ZBP1: variants seen among roughly 807,000 people sequenced by gnomAD.
ZBP1 encodes the protein Z-DNA-binding protein 1.
A neutral mutation model predicts 41.1 loss-of-function variants in ZBP1; 42 were observed. The observed-to-expected ratio is 1.02, with a 90% CI of 0.80 to 1.32. ZBP1 has a LOEUF of 1.32. Ranked by LOEUF, ZBP1 falls within the 40% of genes most tolerant of loss-of-function variation. The pLI is 0.00. For synonymous variants in ZBP1, 214 were observed against 205.2 expected (o/e 1.04, Z -0.37); for missense variants, 562 against 549.7 (o/e 1.02, Z -0.22).
intron 1 of ZBP1, 171 bp downstream of exon 1, chr20:57,620,091 C>G (rs1414003104): frequency 1.4e-6 from 1 of 740,714 alleles, no homozygotes; most frequent in Non-Finnish European, 2.3e-6. Context: ...CCTACCTCGC[C>G]TCCCAAAGTG....
At chr20:57,612,217 C>T (rs1245636929) in intron 5 of ZBP1, among the ~76,000 whole-genome samples, 1 of 152,166 alleles carries the variant, frequency 6.6e-6, no homozygotes, top group Non-Finnish European at 1.5e-5. Context: ...AGCCTTCTGA[C>T]CTCATGGGGA....
At chr20:57,606,756 G>A (rs1388781155) in intron 7 of ZBP1, among the ~76,000 whole-genome samples, 1 of 152,200 alleles carries the variant, frequency 6.6e-6, no homozygotes, top group Non-Finnish European at 1.5e-5. Context: ...AGCTAGATGA[G>A]AGCACCTGTA....
rs758253059 is a variant in ZBP1, at chr20:57,604,704, G to A, written c.1159C>T (p.Pro387Ser). ...TTGGGGGTGAGCTTCGAGTGGCTGGGAGTGATGGGCTGACCAATGTCTCGA... is the reference window on the plus strand; with the variant it reads ...TTGGGGGTGAGCTTCGAGTGGCTGGAAGTGATGGGCTGACCAATGTCTCGA... ...FPRDIGQPIT[P>S]SHSKLTPKLE... is the part of the protein sequence containing the mutation. Residue 387 changes from proline (P) to serine (S), a missense_variant, in exon 8 of 8, where the codon CCC becomes TCC. By Grantham distance (74) the Pro-to-Ser change is moderately conservative. Transcript: ENST00000371173. The A allele has an allele frequency of 1.9e-6, 3 of 1,614,234 alleles. No homozygotes were observed. The highest frequency in any genetic ancestry group is 2.2e-5 in the East Asian group (1 of 44,886).
In ZBP1 at chr20:57,612,886, C is replaced by T. The variant is rs2070710969; in HGVS notation, c.670+277G>A. ...AGGTCAGGCGCAACACAGAGATACCCCATCTTAATTTTAAAATTTTATTAG... is the reference window on the plus strand; with the variant it reads ...AGGTCAGGCGCAACACAGAGATACCTCATCTTAATTTTAAAATTTTATTAG... On this transcript the variant is annotated intron_variant, in intron 5 of 7. Coordinates refer to ENST00000371173, the MANE Select transcript of ZBP1 (RefSeq NM_030776.3). The T allele has an allele frequency of 2.3e-6, 3 of 1,323,108 alleles. No homozygotes were observed. In the Admixed American group the frequency reaches 1.0e-4, roughly 46 times the overall value. The allele number at this position is 1,323,108 out of a possible 1,614,324, so 82.0% of individuals were successfully genotyped here.
In ZBP1 at chr20:57,610,037, G is replaced by C. The variant is rs2070610052; in HGVS notation, c.1093+112C>G. On this transcript the variant is annotated intron_variant, in intron 7 of 7. Transcript: ENST00000371173. This position sits in a 1 kb window ranked among gnomAD's most constrained non-coding sequence, Gnocchi z 5.5. ...TCGCTGTGGGTGGGCACAGCCTCCAGACTCCGGGAAACCAGAGATTAGCGA... is the reference window on the plus strand; with the variant it reads ...TCGCTGTGGGTGGGCACAGCCTCCACACTCCGGGAAACCAGAGATTAGCGA... The C allele has an allele frequency of 3.2e-6, 4 of 1,264,322 alleles. No individual in the cohort carries two copies. The highest frequency in any genetic ancestry group is 1.5e-5 in the African/African-American group (1 of 67,368). 78.3% of individuals were successfully genotyped at this position (1,264,322 alleles called of 1,614,324 possible). A position where few individuals can be genotyped will look rare whatever the true frequency, so the allele number is the denominator to read the frequency against.
intron 3 of ZBP1, 43 bp from the exon 4 acceptor site, chr20:57,615,103 G>A: frequency 6.2e-7 from 1 of 1,605,226 alleles, no homozygotes; most frequent in Non-Finnish European, 8.5e-7. Context: ...TAGTCCTAGG[G>A]TTTGCATCTG....
chr20:57,612,783 C>A, intron 5 of ZBP1: 1 of 545,606 alleles, frequency 1.8e-6, no homozygotes, highest in Non-Finnish European at 2.6e-6. Flanking sequence ...ATAACCTCCC[C>A]TGTAGCATTC....
intron 4 of ZBP1, among the ~76,000 whole-genome samples, chr20:57,614,467 G>T (rs535139746): frequency 1.3e-5 from 2 of 152,086 alleles, no homozygotes; most frequent in Admixed American, 1.3e-4. Flanking sequence ...TAGGTCTCAC[G>T]GGGAAGCTGA....
intron 4 of ZBP1, 68 bp downstream of exon 4, chr20:57,614,819 C>T: frequency 6.3e-7 from 1 of 1,586,700 alleles, no homozygotes; most frequent in Non-Finnish European, 8.6e-7. Flanking sequence ...GCAGAGCACC[C>T]AGCAAAGACC....
rs1013961951 is a variant in ZBP1 at position 57,610,041 on chromosome 20, C to T, written c.1093+108G>A. ...TGTGGGTGGGCACAGCCTCCAGACTCCGGGAAACCAGAGATTAGCGAATGA... is the reference window on the plus strand; with the variant it reads ...TGTGGGTGGGCACAGCCTCCAGACTTCGGGAAACCAGAGATTAGCGAATGA... On this transcript the variant is annotated intron_variant, in intron 7 of 7. Coordinates refer to ENST00000371173, the MANE Select transcript of ZBP1 (RefSeq NM_030776.3). The surrounding 1 kb of genome is among the most constrained non-coding windows in gnomAD (Gnocchi z 5.5). 7.7e-7 allele frequency: 1 copy of T among 1,305,704 alleles called. No individual in the cohort carries two copies. The highest frequency in any genetic ancestry group is 1.1e-6 in the Non-Finnish European group (1 of 928,382). 80.9% of individuals were successfully genotyped at this position (1,305,704 alleles called of 1,614,324 possible).
intron 3 of ZBP1, 25 bp downstream of exon 3, chr20:57,615,487 A>C (rs1600741106): frequency 1.2e-6 from 2 of 1,611,408 alleles, no homozygotes; most frequent in Non-Finnish European, 1.7e-6. Flanking sequence ...TGTCCCGGGA[A>C]CTGAAGGGAC....
In ZBP1 at chr20:57,604,108, A is replaced by C. The variant is rs753045656; in HGVS notation, c.*465T>G. The C allele has an allele frequency of 3.6e-6, 1 of 279,494 alleles. No individual in the cohort carries two copies. 17.3% of individuals were successfully genotyped at this position (279,494 alleles called of 1,614,324 possible). On this transcript the variant is annotated 3_prime_UTR_variant, in exon 8 of 8. Coordinates refer to ENST00000371173, the MANE Select transcript of ZBP1 (RefSeq NM_030776.3). Reference sequence around the variant, plus strand: ...CAGGACGGTCTGGATTTCCTGACCTATTGATCCGCCCGCCTCGGCCTCCCA... The same window carrying C: ...CAGGACGGTCTGGATTTCCTGACCTCTTGATCCGCCCGCCTCGGCCTCCCA...
At position 57,615,298 on chromosome 20, in the gene ZBP1, A is replaced by G. The variant is rs942511824; in HGVS notation, c.328+214T>C. 5.0e-5 allele frequency: 34 copies of G among 679,152 alleles called. No individual in the cohort carries two copies. The African/African-American group carries it at 6.0e-4, about 12-fold the overall frequency. The allele number at this position is 679,152 out of a possible 1,614,324, so 42.1% of individuals were successfully genotyped here. ...ATGTGGCGGGTGCATGGTGAGGGTC[A>G]GCTATTGTCTGACTGGAGAAATCAC... is the stretch of plus-strand genomic sequence containing the variant. On this transcript the variant is annotated intron_variant, in intron 3 of 7. Transcript: ENST00000371173.
At chr20:57,620,193 G>T in intron 1 of ZBP1, 69 bp downstream of exon 1, 1 of 1,521,688 alleles carries the variant, frequency 6.6e-7, no homozygotes, top group Non-Finnish European at 8.9e-7. Flanking sequence ...AAGCGAAACA[G>T]GAGGAAAGAG....
At position 57,610,437 on chromosome 20, in the gene ZBP1, GC is replaced by G. The variant is rs1416363364; in HGVS notation, c.875-71del. Reference sequence around the variant, plus strand: ...CAGTGGCCGGGAACCCTGACCCCCAGCCTGGTTCACCCTCCTCCCCAGATCT... The same window carrying G: ...CAGTGGCCGGGAACCCTGACCCCCAGCTGGTTCACCCTCCTCCCCAGATCT... On this transcript the variant is annotated intron_variant, in intron 6 of 7. Coordinates refer to ENST00000371173, the MANE Select transcript of ZBP1 (RefSeq NM_030776.3). The surrounding 1 kb of genome is among the most constrained non-coding windows in gnomAD (Gnocchi z 5.5). 1.3e-6 allele frequency: 2 copies of G among 1,550,946 alleles called. No homozygotes were observed. The highest frequency in any genetic ancestry group is 1.8e-6 in the Non-Finnish European group (2 of 1,127,824).
Position 57,615,574 on chromosome 20 carries a change from C to G in ZBP1, c.266G>C (p.Arg89Thr). The G allele has an allele frequency of 6.2e-7, 1 of 1,612,742 alleles. No homozygotes were observed. The highest frequency in any genetic ancestry group is 8.5e-7 in the Non-Finnish European group (1 of 1,179,522). Residue 89 changes from arginine to threonine, a missense_variant, in exon 3 of 8, where the codon AGG becomes ACG. Physicochemically the swap from Arg to Thr is moderately conservative, Grantham distance 71. Coordinates refer to ENST00000371173, the MANE Select transcript of ZBP1 (RefSeq NM_030776.3). ...AATTGTAGCTGCATGTTGCTGGGGCCTCTCGGCTGCAGAAAGAAAGATGGG... is the reference window on the plus strand; with the variant it reads ...AATTGTAGCTGCATGTTGCTGGGGCGTCTCGGCTGCAGAAAGAAAGATGGG... ...AELALSSPAE[R>T]PQQHAATIPE...
In ZBP1 at chr20:57,610,871, G is replaced by T. The variant is rs914075990; in HGVS notation, c.875-504C>A. Among the ~76,000 whole-genome samples the T allele has an allele frequency of 2.0e-5, 3 of 150,468 alleles. No individual in the cohort carries two copies. Among genetic ancestry groups the T allele is most frequent in the African/African-American group, 7.4e-5 (3 of 40,698 alleles). On this transcript the variant is annotated intron_variant, in intron 6 of 7. Coordinates refer to ENST00000371173, the MANE Select transcript of ZBP1 (RefSeq NM_030776.3). The surrounding 1 kb of genome is among the most constrained non-coding windows in gnomAD (Gnocchi z 5.5). ...GGCCCCCAGAAACCACCCCCTCAAGGTTACCACGATCCCTCTCGCTGAACC... is the reference window on the plus strand; with the variant it reads ...GGCCCCCAGAAACCACCCCCTCAAGTTTACCACGATCCCTCTCGCTGAACC...
intron 1 of ZBP1, 176 bp downstream of exon 1, chr20:57,620,086 C>T (rs1300600275): frequency 1.4e-6 from 1 of 701,246 alleles, no homozygotes; most frequent in Non-Finnish European, 2.5e-6. Flanking sequence ...GTCCACCTAC[C>T]TCGCCTCCCA....
rs1252072670 is a variant in ZBP1, at chr20:57,610,710, T to C, written c.875-343A>G. The C allele has an allele frequency of 1.1e-5, 4 of 366,984 alleles. No homozygotes were observed. The highest frequency in any genetic ancestry group is 9.0e-5 in the South Asian group (3 of 33,396). The allele number at this position is 366,984 out of a possible 1,614,324, so 22.7% of individuals were successfully genotyped here. The stretch of plus-strand genomic sequence containing the variant: ...GCACTGGAACACTGGCCCCCACTTT[T>C]GGTTGAAATCTTATGGGGGCTCCCA... On this transcript the variant is annotated intron_variant, in intron 6 of 7. Transcript: ENST00000371173. This position sits in a 1 kb window ranked among gnomAD's most constrained non-coding sequence, Gnocchi z 5.5.
Sources: allele counts gnomAD v4.1 joint callset (sites outside exome capture counted in the v4.1 genomes callset), GRCh38; gene constraint gnomAD v4.1.1; non-coding constraint Gnocchi (gnomAD v3.1); transcripts MANE v1.5; gene names NCBI Gene and HGNC (gene_info 2026-07-23, HGNC 2026-07-21).